COL17A1: variants seen among roughly 807,000 people sequenced by gnomAD.
The protein encoded by COL17A1 is collagen type XVII alpha 1 chain.
A neutral mutation model predicts 218.4 loss-of-function variants in COL17A1; 181 were observed. The observed-to-expected ratio is 0.83, with a 90% CI of 0.73 to 0.94. The LOEUF is 0.94. Among genes scored for constraint, COL17A1 ranks in the 40% least tolerant of loss-of-function variants. COL17A1 has a pLI of 0.00. For synonymous variants in COL17A1, 721 were observed against 731.0 expected, an observed-to-expected ratio of 0.99 and a Z score of 0.22; for missense variants, 1,924 against 1,945.9, an observed-to-expected ratio of 0.99 and a Z score of 0.21.
intron 22 of COL17A1, among the ~76,000 whole-genome samples, chr10:104,053,659 A>ATTCCCAAAATCCCTCCAGGCTCTCCT (rs2086491863): frequency 6.6e-6 from 1 of 151,910 alleles, no homozygotes; most frequent in African/African-American, 2.4e-5. Context: ...CCCAGCTCTC[A>ATTCCCAAAATCCCTCCAGGCTCTCCT]TTCCCAAAAT....
intron 5 of COL17A1, among the ~76,000 whole-genome samples, chr10:104,075,826 C>T (rs1425068486): frequency 6.6e-6 from 1 of 152,264 alleles, no homozygotes; most frequent in South Asian, 2.1e-4. Context: ...AGTCCCATCT[C>T]TCCATCTTTG....
intron 9 of COL17A1, among the ~76,000 whole-genome samples, chr10:104,065,729 CA>C (rs2086620813): frequency 6.6e-6 from 1 of 152,164 alleles, no homozygotes; most frequent in Non-Finnish European, 1.5e-5. Context: ...GGTGACCAGC[CA>C]GGGGTAGGAT....
Position 104,032,192 on chromosome 10 carries a change from G to A in COL17A1, c.*43C>T, listed in dbSNP as rs764186232. 1 of 1,542,292 alleles carries A rather than the reference G, an allele frequency of 6.5e-7. No homozygotes were observed. The highest frequency in any genetic ancestry group is 1.4e-5 in the African/African-American group (1 of 73,536). On this transcript the variant is annotated 3_prime_UTR_variant, in exon 56 of 56. Transcript: ENST00000648076. ...GAGACCTTGGACCTAAGTGCCACATGCATTATGAGACCTGGTCCAGGAGCT... is the reference window on the plus strand; with the variant it reads ...GAGACCTTGGACCTAAGTGCCACATACATTATGAGACCTGGTCCAGGAGCT...
chr10:104,077,672 A>G lies in COL17A1; in HGVS notation c.98-146T>C, dbSNP rs2086723385. ...CTTTCCCACCTACATTATAAGATGC[A>G]AGCTGCCATGCTCCAGTTTCGTTGG... On this transcript the variant is annotated intron_variant, in intron 3 of 55. Coordinates refer to ENST00000648076, the MANE Select transcript of COL17A1 (RefSeq NM_000494.4). 5 of 712,206 alleles carry G rather than the reference A, an allele frequency of 7.0e-6. No individual in the cohort carries two copies. The Admixed American group carries it at 1.0e-4, about 15-fold the overall frequency. The allele number at this position is 712,206 out of a possible 1,614,324, so 44.1% of individuals were successfully genotyped here. A position where few individuals can be genotyped will look rare whatever the true frequency, so the allele number is the denominator to read the frequency against.
At chr10:104,058,519 A>C (rs747326673) in intron 15 of COL17A1, among the ~76,000 whole-genome samples, 1 of 152,080 alleles carries the variant, frequency 6.6e-6, no homozygotes, top group Non-Finnish European at 1.5e-5. Context: ...GTGAGAAATG[A>C]CTCTGATTTC....
At chr10:104,045,689 C>T in intron 33 of COL17A1, 69 bp downstream of exon 33, 2 of 1,304,182 alleles carry the variant, frequency 1.5e-6, no homozygotes, top group Admixed American at 1.7e-5. Flanking sequence ...AGGCCTCCTC[C>T]TGTCCATCCC....
At chr10:104,048,885 G>A (rs2086439807) in intron 29 of COL17A1, among the ~76,000 whole-genome samples, 1 of 150,554 alleles carries the variant, frequency 6.6e-6, no homozygotes, top group African/African-American at 2.4e-5. Context: ...CACCCAGACT[G>A]TAGCGCAGTG....
At chr10:104,073,773 A>G (rs768644176) in intron 6 of COL17A1, among the ~76,000 whole-genome samples, 22 of 152,298 alleles carry the variant, frequency 1.4e-4, no homozygotes, top group Non-Finnish European at 2.4e-4. Context: ...AAGCACACGC[A>G]GTTCCCTTGA....
Position 104,034,733 on chromosome 10 carries a change from TCCTGGAGGG to T in COL17A1, c.3645_3653del (p.Pro1223_Pro1225del). The T allele has an allele frequency of 6.2e-7, 1 of 1,611,898 alleles. No individual in the cohort carries two copies. The highest frequency in any genetic ancestry group is 8.5e-7 in the Non-Finnish European group (1 of 1,179,410). ...CTCGAGGCCCTGGGGGACCAGGAGG[TCCTGGAGGG>T]CCTGGGATGAATGACAAGCCGGCAG... is the stretch of plus-strand genomic sequence containing the variant. On this transcript the variant is annotated inframe_deletion, in exon 51 of 56. Coordinates refer to ENST00000648076, the MANE Select transcript of COL17A1 (RefSeq NM_000494.4).
Position 104,035,307 on chromosome 10 carries a change from A to G in COL17A1, c.3575T>C (p.Val1192Ala). Residue 1192 changes from valine (V) to alanine (A), a missense_variant, in exon 50 of 56, where the codon GTG becomes GCG. Val to Ala is a moderately conservative substitution (Grantham distance 64). Coordinates refer to ENST00000648076, the MANE Select transcript of COL17A1 (RefSeq NM_000494.4). ...PPGPPGIPGN[V>A]WSSISVEDLS... is the part of the protein sequence containing the mutation. ...GTCCTCCACGCTGATGCTGGACCAC[A>G]CATTGCCTGGGATCCCTGGTGGACC... 1 of 1,614,168 alleles carries G rather than the reference A, an allele frequency of 6.2e-7. No individual in the cohort carries two copies. Among genetic ancestry groups the G allele is most frequent in the South Asian group, 1.1e-5 (1 of 91,086 alleles).
At chr10:104,043,668 T>G (rs1167939180) in intron 34 of COL17A1, 87 bp from the exon 35 acceptor site, 13 of 1,530,134 alleles carry the variant, frequency 8.5e-6, no homozygotes, top group Non-Finnish European at 1.1e-5. Context: ...GTGGGCAGCC[T>G]GGCATTTCTT....
rs1338755073 is a variant in COL17A1 at position 104,039,999 on chromosome 10, C to T, written c.2762G>A (p.Gly921Asp). The change falls in exon 41 of 56, where the codon GGT becomes GAT. Residue 921 changes from glycine to aspartate, a missense_variant and splice_region_variant. Transcript: ENST00000648076. ...TTGGTGTCCTCTGGGGCCTGGGGGACCTGAGGGAAAAAGGCAGAGAGCTAT... is the reference window on the plus strand; with the variant it reads ...TTGGTGTCCTCTGGGGCCTGGGGGATCTGAGGGAAAAAGGCAGAGAGCTAT... ...PGPPGPKGDQ[G>D]PPGPRGHQGE... is the part of the protein sequence containing the mutation. 6.2e-7 allele frequency: 1 copy of T among 1,613,950 alleles called. No individual in the cohort carries two copies. Among genetic ancestry groups the T allele is most frequent in the South Asian group, 1.1e-5 (1 of 91,074 alleles).
chr10:104,033,460 A>T, intron 52 of COL17A1, 85 bp from the exon 53 acceptor site: 2 of 1,510,374 alleles, frequency 1.3e-6, no homozygotes, highest in Non-Finnish European at 1.8e-6. Flanking sequence ...CCGAGTGTCA[A>T]ACTCCCAAAG....
rs752387848 is a variant in COL17A1, at chr10:104,035,531, G to C, written c.3451C>G (p.Pro1151Ala). 7 of 1,613,884 alleles carry C rather than the reference G, an allele frequency of 4.3e-6. No homozygotes were observed. Among genetic ancestry groups the C allele is most frequent in the Non-Finnish European group, 5.9e-6 (7 of 1,179,978 alleles). The change falls in exon 49 of 56, where the codon CCG becomes GCG. Residue 1151 changes from proline to alanine, a missense_variant. By Grantham distance (27) the Pro-to-Ala change is conservative. Transcript: ENST00000648076. ...GTTCCCGGCAAGCCAGGGGGCCCCG[G>C]GGGACCAGGAAGCCCAATGCTGATC... ...SGISIGLPGPPGPPGLPGTSY... is the reference protein window; with the variant it reads ...SGISIGLPGPAGPPGLPGTSY...
chr10:104,040,394 G>C lies in COL17A1; in HGVS notation c.2718C>G (p.Gly906=), dbSNP rs1428933681. The change falls in exon 40 of 56, where the codon GGC becomes GGG. Residue 906 remains glycine (G), a synonymous_variant. Transcript: ENST00000648076. ...CTGGGGGGCCAGGTGGGCCTGGGGG[G>C]CCGGAGAGGAAGGTTTCTGCAGAGG... ...FLSNSETFLS[G]PPGPPGPPGP... is the part of the protein sequence containing the mutation. 2 of 1,610,324 alleles carry C rather than the reference G, an allele frequency of 1.2e-6. No individual in the cohort carries two copies. Among genetic ancestry groups the C allele is most frequent in the Admixed American group, 3.3e-5 (2 of 59,986 alleles).
Position 104,064,563 on chromosome 10 carries a change from G to T in COL17A1, c.641C>A (p.Ala214Asp), listed in dbSNP as rs1242786896. The change falls in exon 10 of 56, where the codon GCC becomes GAC. Residue 214 changes from alanine to aspartate, a missense_variant. Transcript: ENST00000648076. ...SGTYDATILDANLPSHVWSST... is the reference protein window; with the variant it reads ...SGTYDATILDDNLPSHVWSST... ...GGACCACACATGGGAGGGAAGGTTG[G>T]CATCCAGGATCGTTGCATCGTAGGT... is the stretch of plus-strand genomic sequence containing the variant. The T allele has an allele frequency of 5.0e-6, 8 of 1,613,922 alleles. No individual in the cohort carries two copies. The African/African-American group carries it at 8.0e-5, about 16-fold the overall frequency.
At chr10:104,037,217 G>A in intron 46 of COL17A1, 104 bp from the exon 47 acceptor site, 1 of 1,031,276 alleles carries the variant, frequency 9.7e-7, no homozygotes. Context: ...TTTGTCTTTG[G>A]GGGAAGTGGA....
In COL17A1 at chr10:104,036,992, G is replaced by A. The variant is rs559685545; in HGVS notation, c.3277+53C>T. 6.6e-5 allele frequency: 100 copies of A among 1,507,966 alleles called. 1 individual carries two copies. In the South Asian group the frequency reaches 9.6e-4, roughly 15 times the overall value. The allele number at this position is 1,507,966 out of a possible 1,614,324, so 93.4% of individuals were successfully genotyped here. On this transcript the variant is annotated intron_variant, in intron 47 of 55. Transcript: ENST00000648076. ...GGACAAGGTTTGCATGACGAGTGAGGCCAGGAGAAAGCAAAGATAGTCCCA... is the reference window on the plus strand; with the variant it reads ...GGACAAGGTTTGCATGACGAGTGAGACCAGGAGAAAGCAAAGATAGTCCCA...
intron 11 of COL17A1, 185 bp downstream of exon 11, chr10:104,063,562 G>C: frequency 1.1e-6 from 1 of 908,780 alleles, no homozygotes; most frequent in South Asian, 1.4e-5. Context: ...ACGTCCCCTC[G>C]CCTGAGACTT....
Sources: allele counts gnomAD v4.1 joint callset (sites outside exome capture counted in the v4.1 genomes callset), GRCh38; gene constraint gnomAD v4.1.1; transcripts MANE v1.5; gene names NCBI Gene and HGNC (gene_info 2026-07-23, HGNC 2026-07-21).